Variants in CIT observed in about 807,000 individuals in gnomAD.
CIT encodes the protein citron Rho-interacting kinase.
A neutral mutation model predicts 272.7 loss-of-function variants in CIT; 79 were observed. The observed-to-expected ratio is 0.29, with a 90% confidence interval of 0.24 to 0.35. The LOEUF (loss-of-function observed/expected upper bound fraction) is 0.35. Ranked by LOEUF, CIT falls within the 10% of genes least tolerant of loss-of-function variation. CIT has a pLI of 1.00. For missense variants in CIT, 1,909 were observed against 2,618.3 expected (o/e 0.73, Z 5.91); for synonymous variants, 948 against 995.6 (o/e 0.95, Z 0.90).
At chr12:119,827,562 C>T (rs186859361) in intron 7 of CIT, among the ~76,000 whole-genome samples, 3 of 151,960 alleles carry the variant, frequency 2.0e-5, no homozygotes, top group Admixed American at 6.6e-5. Context: ...CTCAGCCTCT[C>T]GAGTAACTGC....
chr12:119,718,856 T>C lies in CIT; in HGVS notation c.3846A>G (p.Leu1282=). Residue 1282 remains leucine (L), a synonymous_variant, in exon 31 of 48, where the codon TTA becomes TTG. Transcript: ENST00000392521. This position sits in a 1 kb window ranked among gnomAD's most constrained non-coding sequence, Gnocchi z 4.8. ...CAGGGTCCTCTTTCCGTCGACTAAA[T>C]AAACCCTAGCAATGGAAACAGAGAT... ...MDQPAKKKKG[L]FSRRKEDPAL... is the part of the protein sequence containing the mutation. 1 of 1,614,028 alleles carries C rather than the reference T, an allele frequency of 6.2e-7. No individual in the cohort carries two copies. The highest frequency in any genetic ancestry group is 1.1e-5 in the South Asian group (1 of 91,076).
chr12:119,832,673 C>T (rs1968722928), intron 7 of CIT, 98 bp downstream of exon 7: 2 of 998,296 alleles, frequency 2.0e-6, no homozygotes, highest in South Asian at 1.4e-5. Flanking sequence ...GGCTCCAAAA[C>T]ATTGTTCACC....
intron 46 of CIT, among the ~76,000 whole-genome samples, chr12:119,691,925 T>C (rs1469579354): frequency 6.6e-6 from 1 of 152,236 alleles, no homozygotes; most frequent in Non-Finnish European, 1.5e-5. Context: ...TGAAAACATA[T>C]TTTGTTTGAT....
intron 41 of CIT, among the ~76,000 whole-genome samples, chr12:119,702,753 AC>A (rs1956662887): frequency 6.6e-6 from 1 of 151,338 alleles, no homozygotes; most frequent in Admixed American, 6.6e-5. Context: ...GAACAATACA[AC>A]ATTCTTATCA....
Position 119,710,852 on chromosome 12 carries a change from T to A in CIT, c.4855-232A>T. On this transcript the variant is annotated intron_variant, in intron 37 of 47. Coordinates refer to ENST00000392521, the MANE Select transcript of CIT (RefSeq NM_001206999.2). The surrounding 1 kb of genome is among the most constrained non-coding windows in gnomAD (Gnocchi z 5.6). ...TGTTAATTAGCATCTGAGTTATAATTTGGCTGGGATGCAGAAATAAGGGAG... is the reference window on the plus strand; with the variant it reads ...TGTTAATTAGCATCTGAGTTATAATATGGCTGGGATGCAGAAATAAGGGAG... 1 of 623,932 alleles carries A rather than the reference T, an allele frequency of 1.6e-6. No homozygotes were observed. Among genetic ancestry groups the A allele is most frequent in the Admixed American group, 2.9e-5 (1 of 34,256 alleles). The allele number at this position is 623,932 out of a possible 1,614,324, so 38.6% of individuals were successfully genotyped here.
chr12:119,714,404 C>T (rs1957337452), intron 32 of CIT, 70 bp from the exon 33 acceptor site: 18 of 1,545,864 alleles, frequency 1.2e-5, no homozygotes, highest in Non-Finnish European at 1.5e-5. Flanking sequence ...GAAAAGACAA[C>T]CCACAGAAAG....
intron 40 of CIT, among the ~76,000 whole-genome samples, chr12:119,705,654 C>T (rs1956830302): frequency 6.6e-6 from 1 of 151,582 alleles, no homozygotes; most frequent in African/African-American, 2.4e-5. Flanking sequence ...TGCCTGTAAT[C>T]CCAGTTACTC....
In CIT at chr12:119,694,185, C is replaced by T. The variant is rs1487703799; in HGVS notation, c.5882+3474G>A. ...GAGAAGCCTTCAGGGCAGAAAACTCCACACTGTCCATCAGATTTACAAATC... is the reference window on the plus strand; with the variant it reads ...GAGAAGCCTTCAGGGCAGAAAACTCTACACTGTCCATCAGATTTACAAATC... On this transcript the variant is annotated intron_variant, in intron 46 of 47. Transcript: ENST00000392521. The surrounding 1 kb of genome is among the most constrained non-coding windows in gnomAD (Gnocchi z 4.5). Among the ~76,000 whole-genome samples the T allele has an allele frequency of 6.6e-6, 1 of 152,178 alleles. No individual in the cohort carries two copies. Among genetic ancestry groups the T allele is most frequent in the African/African-American group, 2.4e-5 (1 of 41,432 alleles).
chr12:119,819,108 C>T (rs577902992), intron 9 of CIT, among the ~76,000 whole-genome samples: 13 of 152,204 alleles, frequency 8.5e-5, no homozygotes, highest in Non-Finnish European at 1.6e-4. Flanking sequence ...GCAGCTGGTA[C>T]GCTTAGGAAA....
intron 24 of CIT, among the ~76,000 whole-genome samples, chr12:119,736,441 T>C (rs1489985302): frequency 6.6e-6 from 1 of 152,144 alleles, no homozygotes; most frequent in Non-Finnish European, 1.5e-5. Flanking sequence ...TTAAGTACAC[T>C]TGTCCACAAA....
intron 19 of CIT, among the ~76,000 whole-genome samples, chr12:119,765,465 CAG>C (rs1184071105): frequency 7.4e-6 from 1 of 134,438 alleles, no homozygotes; most frequent in East Asian, 2.0e-4. Flanking sequence ...TAAAAAGAAA[CAG>C]ACTTTTTTTT....
chr12:119,826,485 A>T (rs566505283), intron 7 of CIT, among the ~76,000 whole-genome samples: 80 of 152,332 alleles, frequency 5.3e-4, no homozygotes, highest in African/African-American at 1.7e-3. Flanking sequence ...TGATGAAAGA[A>T]GCAGGCTTTC....
At chr12:119,772,636 A>G in intron 17 of CIT, 134 bp downstream of exon 17, 1 of 929,868 alleles carries the variant, frequency 1.1e-6, no homozygotes, top group Non-Finnish European at 1.5e-6. Context: ...CCAGCCTCTC[A>G]GGTTTCAAAG....
In CIT at chr12:119,770,787, G is replaced by A; in HGVS notation, c.2206C>T (p.Leu736=). ...QQIQQMADKI[L]ELEEKHREAQ... Reference sequence around the variant, plus strand: ...TTGCGACTTTCATTCCTGCTCACCAGAATTTTATCAGCCATCTGCTGGATC... The same window carrying A: ...TTGCGACTTTCATTCCTGCTCACCAAAATTTTATCAGCCATCTGCTGGATC... Residue 736 remains leucine, a splice_region_variant and synonymous_variant, in exon 18 of 48, where the codon CTG becomes TTG. Transcript: ENST00000392521. This position sits in a 1 kb window ranked among gnomAD's most constrained non-coding sequence, Gnocchi z 4.4. The A allele has an allele frequency of 3.1e-6, 5 of 1,612,818 alleles. No individual in the cohort carries two copies. The highest frequency in any genetic ancestry group is 4.2e-6 in the Non-Finnish European group (5 of 1,179,856).
intron 25 of CIT, 114 bp downstream of exon 25, chr12:119,735,046 G>T: frequency 1.1e-6 from 1 of 904,756 alleles, no homozygotes; most frequent in Non-Finnish European, 1.7e-6. Flanking sequence ...TTTAAAAAGA[G>T]CCCAATTACT....
intron 12 of CIT, chr12:119,783,580 G>C (rs1964499515): frequency 5.3e-6 from 1 of 187,206 alleles, no homozygotes; most frequent in African/African-American, 2.3e-5. Flanking sequence ...GCTCATGTCA[G>C]ACACAACGCA....
chr12:119,788,780 C>A (rs184667820), intron 10 of CIT, among the ~76,000 whole-genome samples: 5 of 152,174 alleles, frequency 3.3e-5, no homozygotes, highest in African/African-American at 1.2e-4. Flanking sequence ...CCTCCTCACC[C>A]GAGGTCCAAC....
At chr12:119,735,056 T>C (rs1321816819) in intron 25 of CIT, 104 bp downstream of exon 25, 3 of 1,004,802 alleles carry the variant, frequency 3.0e-6, no homozygotes, top group African/African-American at 3.2e-5. Flanking sequence ...GCCCAATTAC[T>C]GTATGAGGTT....
intron 5 of CIT, among the ~76,000 whole-genome samples, chr12:119,835,606 A>T (rs1441283327): frequency 6.6e-6 from 1 of 151,996 alleles, no homozygotes; most frequent in Non-Finnish European, 1.5e-5. Context: ...TATACTTCTT[A>T]AAAAAAACAC....
Sources: gnomAD v4.1 joint callset for allele counts (sites outside exome capture counted in the v4.1 genomes callset) on GRCh38, gnomAD v4.1.1 for gene constraint, Gnocchi (gnomAD v3.1) non-coding constraint, MANE v1.5 for transcripts, NCBI Gene and HGNC (gene_info 2026-07-23, HGNC 2026-07-21) for gene names.